The following EPHA5 variants were observed in gnomAD, a reference collection of about 807,000 sequenced individuals.
EPHA5 encodes the protein ephrin type-A receptor 5.
Under a neutral mutation model 105.0 loss-of-function variants are expected in EPHA5, and 60 were observed. The observed-to-expected ratio is 0.57, with a 90% CI of 0.46 to 0.71. The LOEUF is 0.71. Ranked by LOEUF, EPHA5 falls within the 30% of genes least tolerant of loss-of-function variation. The probability of loss-of-function intolerance (pLI) is 0.00; values close to 1 mark genes in which losing one functional copy is unlikely to be tolerated. For synonymous variants in EPHA5, 513 were observed against 449.1 expected (o/e 1.14, Z -1.80); for missense variants, 1,218 against 1,274.7 (o/e 0.96, Z 0.68).
chr4:65,392,209 G>GA (rs1382292108), intron 8 of EPHA5, among the ~76,000 whole-genome samples: 1 of 151,920 alleles, frequency 6.6e-6, no homozygotes, highest in Admixed American at 6.6e-5. Context: ...AGCCTTTGAA[G>GA]AAAAAAGCAT....
At chr4:65,586,366 A>G (rs1044617064) in intron 3 of EPHA5, among the ~76,000 whole-genome samples, 19 of 151,828 alleles carry the variant, frequency 1.3e-4, no homozygotes, top group African/African-American at 4.3e-4. Flanking sequence ...TTTTTTTCAT[A>G]TTACTGATGC....
intron 5 of EPHA5, among the ~76,000 whole-genome samples, chr4:65,437,753 A>G (rs1451171630): frequency 6.6e-6 from 1 of 151,998 alleles, no homozygotes; most frequent in East Asian, 1.9e-4. Flanking sequence ...GTGCCTCAAT[A>G]TAGTCATTTG....
At chr4:65,331,463 T>C (rs1262359296) in intron 16 of EPHA5, 1 of 1,048,032 alleles carries the variant, frequency 9.5e-7, no homozygotes, top group African/African-American at 1.7e-5. Context: ...CATCCTTAGA[T>C]TGAAAGAATG....
At chr4:65,471,658 C>CAG (rs1236121479) in intron 5 of EPHA5, among the ~76,000 whole-genome samples, 1 of 151,970 alleles carries the variant, frequency 6.6e-6, no homozygotes, top group African/African-American at 2.4e-5. Context: ...TGGCAGGTGA[C>CAG]AGAGAGAGAG....
chr4:65,339,931 T>C (rs1721551098), intron 14 of EPHA5, among the ~76,000 whole-genome samples: 1 of 152,194 alleles, frequency 6.6e-6, no homozygotes, highest in South Asian at 2.1e-4. Context: ...AGTTGATATA[T>C]TTGTTTTTCT....
chr4:65,586,088 A>C (rs1048868824), intron 3 of EPHA5, among the ~76,000 whole-genome samples: 1 of 151,702 alleles, frequency 6.6e-6, no homozygotes, highest in Non-Finnish European at 1.5e-5. Context: ...ATTTGCAGTC[A>C]AATTTTCCTT....
chr4:65,339,006 G>A (rs1183847806), intron 14 of EPHA5, among the ~76,000 whole-genome samples: 2 of 152,120 alleles, frequency 1.3e-5, no homozygotes, highest in African/African-American at 4.8e-5. Flanking sequence ...CAATTAGAAT[G>A]AGAATTTTTA....
chr4:65,349,982 A>G (rs1042521568), intron 13 of EPHA5, among the ~76,000 whole-genome samples: 1 of 151,946 alleles, frequency 6.6e-6, no homozygotes, highest in Non-Finnish European at 1.5e-5. Context: ...CTGCCACTAT[A>G]CCCCATTTCA....
At chr4:65,591,147 A>G (rs918153760) in intron 3 of EPHA5, among the ~76,000 whole-genome samples, 6 of 152,100 alleles carry the variant, frequency 3.9e-5, no homozygotes, top group African/African-American at 1.4e-4. Context: ...ATATATTATT[A>G]TCCTGTCTAA....
chr4:65,417,809 C>T (rs1481707300), intron 6 of EPHA5, among the ~76,000 whole-genome samples: 1 of 152,082 alleles, frequency 6.6e-6, no homozygotes, highest in East Asian at 1.9e-4. Flanking sequence ...TGTTGAATAA[C>T]TCTTTGTTGT....
At chr4:65,539,793 TTA>T (rs1736643191) in intron 3 of EPHA5, among the ~76,000 whole-genome samples, 1 of 151,632 alleles carries the variant, frequency 6.6e-6, no homozygotes, top group Admixed American at 6.6e-5. Context: ...ATGAGTAATA[TTA>T]GTGTTGATAT....
At chr4:65,635,526 T>TG (rs1249044755) in intron 2 of EPHA5, among the ~76,000 whole-genome samples, 5 of 151,990 alleles carry the variant, frequency 3.3e-5, no homozygotes, top group African/African-American at 1.2e-4. Flanking sequence ...GACAACTCAG[T>TG]GGGGAGAAGA....
intron 4 of EPHA5, among the ~76,000 whole-genome samples, chr4:65,493,135 T>A (rs1438916314): frequency 1.3e-5 from 2 of 151,888 alleles, no homozygotes; most frequent in Admixed American, 6.6e-5. Context: ...AGCTTTAAAG[T>A]CAAAAGGAAA....
At chr4:65,454,974 G>A (rs554841621) in intron 5 of EPHA5, among the ~76,000 whole-genome samples, 7 of 152,080 alleles carry the variant, frequency 4.6e-5, no homozygotes, top group South Asian at 2.1e-4. Context: ...TGCTTGGCAC[G>A]GTGGCTCACG....
At chr4:65,395,614 A>C (rs561838215) in intron 8 of EPHA5, among the ~76,000 whole-genome samples, 1 of 152,322 alleles carries the variant, frequency 6.6e-6, no homozygotes, top group African/African-American at 2.4e-5. Flanking sequence ...TTTTTGCTTC[A>C]GAAAACTGAG....
chr4:65,643,080 T>A (rs1747808371), intron 2 of EPHA5, among the ~76,000 whole-genome samples: 1 of 152,082 alleles, frequency 6.6e-6, no homozygotes, highest in Non-Finnish European at 1.5e-5. Flanking sequence ...CTTTGTTGTT[T>A]TAATGTGAAC....
At chr4:65,537,702 A>G (rs1429714436) in intron 3 of EPHA5, among the ~76,000 whole-genome samples, 1 of 151,736 alleles carries the variant, frequency 6.6e-6, no homozygotes, top group African/African-American at 2.4e-5. Context: ...GAAATTATAT[A>G]GTGGGAGTTC....
At position 65,319,666 on chromosome 4, in the gene EPHA5, G is replaced by A. The variant is rs188162267; in HGVS notation, c.*4448C>T. On this transcript the variant is annotated 3_prime_UTR_variant, in exon 17 of 17. Transcript: ENST00000613740. ...ACCAAATGCACATAAAGATTCAAATGAGAAAAAATACAGAAATCCTAATCC... is the reference window on the plus strand; with the variant it reads ...ACCAAATGCACATAAAGATTCAAATAAGAAAAAATACAGAAATCCTAATCC... 1 of 222,992 alleles carries A rather than the reference G, an allele frequency of 4.5e-6. No individual in the cohort carries two copies. The highest frequency in any genetic ancestry group is 2.2e-5 in the African/African-American group (1 of 44,904). 13.8% of individuals were successfully genotyped at this position (222,992 alleles called of 1,614,324 possible).
Position 65,336,079 on chromosome 4 carries a change from T to C in EPHA5, c.2642A>G (p.Asp881Gly). ...EEGYRLPSPM[D>G]CPAALYQLML... is the part of the protein sequence containing the mutation. ...TAACTGATAGAGAGCAGCAGGACAA[T>C]CCATGGGGCTTGGCAGACGATAGCC... The change falls in exon 15 of 17, where the codon GAT (aspartate) becomes GGT (glycine). Residue 881 changes from aspartate to glycine, a missense_variant. Asp to Gly is a moderately conservative substitution (Grantham distance 94). Coordinates refer to ENST00000613740, the MANE Select transcript of EPHA5 (RefSeq NM_001281766.3). 1.2e-6 allele frequency: 2 copies of C among 1,612,752 alleles called. No homozygotes were observed. Among genetic ancestry groups the C allele is most frequent in the South Asian group, 1.1e-5 (1 of 90,992 alleles).
Sources: gnomAD v4.1 joint callset for allele counts (sites outside exome capture counted in the v4.1 genomes callset) on GRCh38, gnomAD v4.1.1 for gene constraint, MANE v1.5 for transcripts, NCBI Gene and HGNC (gene_info 2026-07-23, HGNC 2026-07-21) for gene names.